Variants in OR1B1 observed in about 807,000 individuals in gnomAD.
OR1B1 encodes olfactory receptor family 1 subfamily B member 1.
For synonymous variants in OR1B1, 168 were observed against 156.2 expected (o/e 1.08, Z -0.57); for missense variants, 414 against 402.1 (o/e 1.03, Z -0.25).
upstream of OR1B1, among the ~76,000 whole-genome samples, chr9:122,633,097 C>T (rs1830221285): frequency 6.6e-6 from 1 of 152,162 alleles, no homozygotes; most frequent in African/African-American, 2.4e-5. Context: ...TCAATTACCT[C>T]CCACCAAGTC....
At chr9:122,654,346 C>T in the OR1B1 span, among the ~76,000 whole-genome samples, 1 of 152,210 alleles carries the variant, frequency 6.6e-6, no homozygotes, top group Non-Finnish European at 1.5e-5. Context: ...GCGAGACTTG[C>T]TCACAGCATC....
At chr9:122,653,106 T>C in the OR1B1 span, among the ~76,000 whole-genome samples, 4 of 152,176 alleles carry the variant, frequency 2.6e-5, no homozygotes, top group African/African-American at 7.2e-5. Flanking sequence ...TTGACCAAGA[T>C]GAAAAGGGAC....
the OR1B1 span, among the ~76,000 whole-genome samples, chr9:122,636,199 T>C: frequency 6.6e-6 from 1 of 152,212 alleles, no homozygotes; most frequent in Non-Finnish European, 1.5e-5. Flanking sequence ...TTTTTGCTTT[T>C]CAAGTAACTT....
chr9:122,650,366 C>G, the OR1B1 span, among the ~76,000 whole-genome samples: 4 of 151,306 alleles, frequency 2.6e-5, no homozygotes, highest in Non-Finnish European at 4.4e-5. Flanking sequence ...ACCTGCAATG[C>G]CTGCACATGT....
At chr9:122,645,729 T>C in the OR1B1 span, among the ~76,000 whole-genome samples, 1 of 152,108 alleles carries the variant, frequency 6.6e-6, no homozygotes, top group South Asian at 2.1e-4. Flanking sequence ...AATAAAGATA[T>C]TCCCAGACAA....
At chr9:122,636,828 G>A in the OR1B1 span, among the ~76,000 whole-genome samples, 1 of 152,170 alleles carries the variant, frequency 6.6e-6, no homozygotes, top group Non-Finnish European at 1.5e-5. Context: ...CTCCATATCT[G>A]CCATTTATTA....
At chr9:122,649,215 C>T in the OR1B1 span, among the ~76,000 whole-genome samples, 6 of 152,304 alleles carry the variant, frequency 3.9e-5, no homozygotes, top group Non-Finnish European at 7.4e-5. Context: ...AAAACTGCAA[C>T]TGGACCCATT....
At chr9:122,629,336 C>G in exon 1 of OR1B1, 1 of 1,614,032 alleles carries the variant, frequency 6.2e-7, no homozygotes, top group South Asian at 1.1e-5. Flanking sequence ...CACAGAGAGG[C>G]CACGAAGCAG....
the OR1B1 span, among the ~76,000 whole-genome samples, chr9:122,650,238 G>T: frequency 1.3e-5 from 2 of 151,978 alleles, no homozygotes; most frequent in Non-Finnish European, 2.9e-5. Flanking sequence ...ATCACACACC[G>T]GGGCCTGTCG....
At chr9:122,634,240 G>A (rs1830234600), upstream of OR1B1, among the ~76,000 whole-genome samples, 2 of 151,736 alleles carry the variant, frequency 1.3e-5, no homozygotes, top group Admixed American at 6.6e-5. Context: ...GGAGGCTGAG[G>A]CAGGAGAATC....
In OR1B1 at chr9:122,629,054, C is replaced by T. The variant is rs377379891; in HGVS notation, c.482G>A (p.Arg161His). Residue 161 changes from arginine (R) to histidine (H), a missense_variant, in exon 1 of 1, where the codon CGT becomes CAT. Arg to His is a conservative substitution (Grantham distance 29, BLOSUM62 0). Transcript: ENST00000623530. ...GCAAAGAGGCAGGACGAGTCCCACACGCAACATGGTGTGCAGTATGGACAC... is the reference window on the plus strand; with the variant it reads ...GCAAAGAGGCAGGACGAGTCCCACATGCAACATGGTGTGCAGTATGGACAC... The T allele has an allele frequency of 1.5e-4, 250 of 1,613,852 alleles. 1 individual carries two copies. The highest frequency in any genetic ancestry group is 1.4e-4 in the South Asian group (13 of 91,064).
chr9:122,649,271 A>G, the OR1B1 span, among the ~76,000 whole-genome samples: 1 of 152,234 alleles, frequency 6.6e-6, no homozygotes, highest in Non-Finnish European at 1.5e-5. Flanking sequence ...TTAAAGACTT[A>G]AAGGTAAGAC....
At chr9:122,633,504 T>A (rs1011248181), upstream of OR1B1, among the ~76,000 whole-genome samples, 2 of 152,120 alleles carry the variant, frequency 1.3e-5, no homozygotes, top group African/African-American at 4.8e-5. Flanking sequence ...ATCAACAGAA[T>A]GAAAAGGCAG....
chr9:122,651,037 T>A, the OR1B1 span, among the ~76,000 whole-genome samples: 4 of 151,436 alleles, frequency 2.6e-5, no homozygotes, highest in Non-Finnish European at 5.9e-5. Context: ...AAAAAAAAAA[T>A]GGTTTGTCCC....
chr9:122,628,875 C>A, exon 1 of OR1B1: 1 of 1,614,078 alleles, frequency 6.2e-7, no homozygotes, highest in Non-Finnish European at 8.5e-7. Flanking sequence ...TAAGAGAGTA[C>A]AATGAGGGCA....
the OR1B1 span, among the ~76,000 whole-genome samples, chr9:122,645,522 G>T: frequency 1.3e-5 from 2 of 151,972 alleles, no homozygotes; most frequent in Non-Finnish European, 2.9e-5. Context: ...GATAAAAAAA[G>T]GATCCTAAAA....
upstream of OR1B1, among the ~76,000 whole-genome samples, chr9:122,634,382 AAAG>A (rs998589501): frequency 5.3e-5 from 8 of 152,050 alleles, no homozygotes; most frequent in Non-Finnish European, 8.8e-5. Context: ...AAGAAACAAA[AAAG>A]AAATACCCGA....
chr9:122,640,243 T>A, the OR1B1 span, among the ~76,000 whole-genome samples: 1 of 152,152 alleles, frequency 6.6e-6, no homozygotes, highest in Non-Finnish European at 1.5e-5. Context: ...ATTATTAATT[T>A]TATCCTCCTC....
chr9:122,634,338 A>G (rs1365545394), upstream of OR1B1, among the ~76,000 whole-genome samples: 1 of 150,992 alleles, frequency 6.6e-6, no homozygotes, highest in Non-Finnish European at 1.5e-5. Context: ...TCCATCTCAA[A>G]AAAAAAAAAA....
Sources: allele counts gnomAD v4.1 joint callset (sites outside exome capture counted in the v4.1 genomes callset), GRCh38; gene constraint gnomAD v4.1.1; transcripts MANE v1.5; gene names NCBI Gene and HGNC (gene_info 2026-07-23, HGNC 2026-07-21).